The following EEFSEC variants were observed in gnomAD, a reference collection of about 807,000 sequenced individuals.
EEFSEC encodes the protein eukaryotic elongation factor, selenocysteine-tRNA specific, also known as selenocysteine-specific elongation factor.
EEFSEC carries 43 observed loss-of-function variants against 42.1 expected under a neutral mutation model. The ratio of observed to expected loss-of-function variants is 1.02; its 90% confidence interval spans 0.80 to 1.32. The LOEUF is 1.32. Among genes scored for constraint, EEFSEC ranks in the 40% most tolerant of loss-of-function variants. The pLI is 0.00. For synonymous variants in EEFSEC, 354 were observed against 339.1 expected (o/e 1.04, Z -0.48); for missense variants, 745 against 803.6 (o/e 0.93, Z 0.88).
intron 4 of EEFSEC, among the ~76,000 whole-genome samples, chr3:128,282,715 G>A (rs1007201534): frequency 2.6e-5 from 4 of 152,210 alleles, no homozygotes; most frequent in African/African-American, 2.4e-5. Flanking sequence ...CTTCAGGTGG[G>A]GAAAATCTAG....
chr3:128,174,922 A>G (rs748753527), intron 1 of EEFSEC, among the ~76,000 whole-genome samples: 1 of 152,206 alleles, frequency 6.6e-6, no homozygotes, highest in African/African-American at 2.4e-5. Flanking sequence ...TGCAAGAGCT[A>G]TGTTTCAAAG....
intron 4 of EEFSEC, among the ~76,000 whole-genome samples, chr3:128,337,307 C>T (rs967091606): frequency 6.6e-5 from 10 of 152,162 alleles, no homozygotes; most frequent in African/African-American, 2.4e-4. Context: ...TTGATTTGCA[C>T]AGTTATTTAT....
rs958315178 is a variant in EEFSEC, at chr3:128,317,348, G to T, written c.787-23885G>T. On this transcript the variant is annotated intron_variant, in intron 4 of 6. Transcript: ENST00000254730. This position sits in a 1 kb window ranked among gnomAD's most constrained non-coding sequence, Gnocchi z 4.1. ...GACTTGTAAGCCTGGCCTGTTCTCCGCCCCGCTGCTGGAGCTCAGACGCTC... is the reference window on the plus strand; with the variant it reads ...GACTTGTAAGCCTGGCCTGTTCTCCTCCCCGCTGCTGGAGCTCAGACGCTC... Among the ~76,000 whole-genome samples the T allele has an allele frequency of 2.6e-5, 4 of 152,150 alleles. No homozygotes were observed. Among genetic ancestry groups the T allele is most frequent in the African/African-American group, 9.7e-5 (4 of 41,424 alleles).
chr3:128,403,912 C>T (rs1443844133), intron 6 of EEFSEC, among the ~76,000 whole-genome samples: 4 of 152,246 alleles, frequency 2.6e-5, no homozygotes, highest in African/African-American at 9.6e-5. Context: ...GCCTTGTTCA[C>T]TGTCTGTGCC....
intron 4 of EEFSEC, 61 bp from the exon 5 acceptor site, chr3:128,341,172 C>G: frequency 6.5e-7 from 1 of 1,532,612 alleles, no homozygotes; most frequent in Non-Finnish European, 8.8e-7. Flanking sequence ...CAGCTCCCCT[C>G]TCCTCCCCAC....
intron 4 of EEFSEC, among the ~76,000 whole-genome samples, chr3:128,297,112 A>T (rs950307696): frequency 6.6e-6 from 1 of 152,270 alleles, no homozygotes; most frequent in African/African-American, 2.4e-5. Context: ...CCATAGGCAC[A>T]TACCAGGGAT....
intron 4 of EEFSEC, among the ~76,000 whole-genome samples, chr3:128,271,735 G>A (rs2066415289): frequency 6.6e-6 from 1 of 152,132 alleles, no homozygotes. Flanking sequence ...CCCGGGCCCT[G>A]CAGGGCCGCT....
chr3:128,313,415 C>G (rs113141106), intron 4 of EEFSEC, among the ~76,000 whole-genome samples: 2 of 152,350 alleles, frequency 1.3e-5, no homozygotes, highest in Admixed American at 6.5e-5. Flanking sequence ...GTGGGAGCCA[C>G]GGGTGGCATG....
intron 1 of EEFSEC, among the ~76,000 whole-genome samples, chr3:128,237,802 T>C (rs2066028650): frequency 6.6e-6 from 1 of 152,240 alleles, no homozygotes; most frequent in Admixed American, 6.5e-5. Context: ...ATGCTCTCAT[T>C]GTTCACCCTG....
At chr3:128,354,589 A>G (rs975297116) in intron 5 of EEFSEC, among the ~76,000 whole-genome samples, 1 of 152,180 alleles carries the variant, frequency 6.6e-6, no homozygotes, top group African/African-American at 2.4e-5. Flanking sequence ...TTGTTTATGT[A>G]GCACTTAAAC....
At chr3:128,334,642 A>G (rs1466267343) in intron 4 of EEFSEC, among the ~76,000 whole-genome samples, 1 of 152,244 alleles carries the variant, frequency 6.6e-6, no homozygotes, top group Non-Finnish European at 1.5e-5. Context: ...GAGGATGGCA[A>G]AGCTTCTTTG....
chr3:128,356,244 C>A (rs1173327621), intron 5 of EEFSEC, among the ~76,000 whole-genome samples: 1 of 152,228 alleles, frequency 6.6e-6, no homozygotes, highest in South Asian at 2.1e-4. Context: ...GGTGGGGCCT[C>A]TTACAAGCTG....
chr3:128,287,662 G>A (rs1442612459), intron 4 of EEFSEC, among the ~76,000 whole-genome samples: 1 of 152,244 alleles, frequency 6.6e-6, no homozygotes, highest in Non-Finnish European at 1.5e-5. Flanking sequence ...AGACATCAAA[G>A]TGCCGGTAAG....
intron 6 of EEFSEC, among the ~76,000 whole-genome samples, chr3:128,403,035 G>A (rs1234463262): frequency 6.6e-6 from 1 of 152,164 alleles, no homozygotes; most frequent in Non-Finnish European, 1.5e-5. Flanking sequence ...ATAGTGGGGT[G>A]AGAGGGGGTC....
chr3:128,154,194 C>G (rs896957458), intron 1 of EEFSEC, among the ~76,000 whole-genome samples: 2 of 152,090 alleles, frequency 1.3e-5, no homozygotes, highest in African/African-American at 4.8e-5. Flanking sequence ...CTTCATTCAC[C>G]TGTCATTTGG....
chr3:128,408,050 T>C lies in EEFSEC; in HGVS notation c.1601-19T>C, dbSNP rs1307081053. ...CTTGGGGTACGGCAGAGTGACAGGC[T>C]CTCTTCTGTGCCTTGCAGGTGGCCT... On this transcript the variant is annotated intron_variant, in intron 6 of 6. Transcript: ENST00000254730. The C allele has an allele frequency of 1.3e-6, 2 of 1,516,164 alleles. No homozygotes were observed. Among genetic ancestry groups the C allele is most frequent in the African/African-American group, 1.4e-5 (1 of 71,710 alleles). 93.9% of individuals were successfully genotyped at this position (1,516,164 alleles called of 1,614,324 possible).
intron 6 of EEFSEC, among the ~76,000 whole-genome samples, chr3:128,406,130 G>C (rs771071735): frequency 6.6e-6 from 1 of 152,172 alleles, no homozygotes; most frequent in Admixed American, 6.5e-5. Flanking sequence ...GAACTGCTCC[G>C]AGCCCTGGGC....
intron 6 of EEFSEC, among the ~76,000 whole-genome samples, chr3:128,407,342 A>T (rs1306051972): frequency 1.3e-5 from 2 of 152,184 alleles, no homozygotes; most frequent in Non-Finnish European, 2.9e-5. Context: ...GGATCCCGGG[A>T]TGAGCCACTG....
chr3:128,206,455 A>T (rs963657200), intron 1 of EEFSEC, among the ~76,000 whole-genome samples: 6 of 152,160 alleles, frequency 3.9e-5, no homozygotes, highest in Non-Finnish European at 8.8e-5. Flanking sequence ...CTGTGGGATT[A>T]ACTTGGCTTG....
Sources: gnomAD v4.1 joint callset for allele counts (sites outside exome capture counted in the v4.1 genomes callset) on GRCh38, gnomAD v4.1.1 for gene constraint, Gnocchi (gnomAD v3.1) non-coding constraint, MANE v1.5 for transcripts, NCBI Gene and HGNC (gene_info 2026-07-23, HGNC 2026-07-21) for gene names.